The following BTBD9 variants were observed in gnomAD, a reference collection of about 807,000 sequenced individuals.
The protein encoded by BTBD9 is BTB/POZ domain-containing protein 9.
Under a neutral mutation model 64.3 loss-of-function variants are expected in BTBD9, and 49 were observed. That is an observed-to-expected ratio of 0.76 (90% CI 0.61 to 0.97). The LOEUF is 0.97. BTBD9 is among the 50% of genes least tolerant of loss of function. The probability of loss-of-function intolerance (pLI) is 0.00; values close to 1 mark genes in which losing one functional copy is unlikely to be tolerated. For synonymous variants in BTBD9, 260 were observed against 274.7 expected, an observed-to-expected ratio of 0.95 and a Z score of 0.53; for missense variants, 598 against 762.1, an observed-to-expected ratio of 0.78 and a Z score of 2.53.
intron 6 of BTBD9, among the ~76,000 whole-genome samples, chr6:38,367,794 A>G (rs1240345711): frequency 8.3e-6 from 1 of 120,044 alleles, no homozygotes; most frequent in East Asian, 3.2e-4. Context: ...TTGCACCAGA[A>G]ATGGCAAAAA....
At chr6:38,363,925 A>C (rs550726712) in intron 6 of BTBD9, among the ~76,000 whole-genome samples, 6 of 152,306 alleles carry the variant, frequency 3.9e-5, no homozygotes, top group African/African-American at 1.4e-4. Context: ...CAGCAATTTA[A>C]ACCTTGTGGG....
At chr6:38,456,858 C>T (rs948892016) in intron 6 of BTBD9, among the ~76,000 whole-genome samples, 4 of 152,134 alleles carry the variant, frequency 2.6e-5, no homozygotes, top group Non-Finnish European at 4.4e-5. Context: ...ATATCATTCC[C>T]CTGCTCAAAC....
At chr6:38,601,370 GTT>G (rs1200788258) in intron 1 of BTBD9, among the ~76,000 whole-genome samples, 2 of 152,212 alleles carry the variant, frequency 1.3e-5, no homozygotes, top group Non-Finnish European at 2.9e-5. Context: ...CAATGGGATA[GTT>G]TACCTACAAA....
chr6:38,268,416 C>G (rs1029298631), intron 8 of BTBD9, among the ~76,000 whole-genome samples: 27 of 152,148 alleles, frequency 1.8e-4, no homozygotes, highest in Admixed American at 1.8e-3. Context: ...ACATGCAGAT[C>G]TTTGTATTCT....
chr6:38,524,753 A>G (rs1262509814), intron 6 of BTBD9, among the ~76,000 whole-genome samples: 1 of 152,184 alleles, frequency 6.6e-6, no homozygotes, highest in African/African-American at 2.4e-5. Flanking sequence ...TGCTTGATAA[A>G]CATTATAAAA....
intron 6 of BTBD9, among the ~76,000 whole-genome samples, chr6:38,481,099 G>A (rs960852080): frequency 6.6e-6 from 1 of 152,158 alleles, no homozygotes; most frequent in African/African-American, 2.4e-5. Flanking sequence ...ATTGAGTAGG[G>A]AGAGGCAAAA....
At chr6:38,614,645 C>G (rs1052399434) in intron 1 of BTBD9, among the ~76,000 whole-genome samples, 1 of 152,184 alleles carries the variant, frequency 6.6e-6, no homozygotes, top group African/African-American at 2.4e-5. Context: ...CTGTGGAAGC[C>G]AGAAAGACAC....
intron 4 of BTBD9, 120 bp from the exon 5 acceptor site, chr6:38,580,557 A>G (rs1027361070): frequency 1.2e-6 from 1 of 835,174 alleles, no homozygotes; most frequent in Admixed American, 2.5e-5. Context: ...AACAGCATAG[A>G]CAAGTTTATT....
At chr6:38,207,451 C>G in intron 9 of BTBD9, 1 of 157,908 alleles carries the variant, frequency 6.3e-6, no homozygotes, top group Non-Finnish European at 1.4e-5. Flanking sequence ...TAGTGAGACC[C>G]TGTCTCTACA....
At chr6:38,248,078 T>C (rs1321302174) in intron 9 of BTBD9, among the ~76,000 whole-genome samples, 1 of 152,238 alleles carries the variant, frequency 6.6e-6, no homozygotes, top group Admixed American at 6.5e-5. Context: ...ATATTTCCTT[T>C]TGGCTTTCTT....
chr6:38,562,527 C>T (rs1238575378), intron 6 of BTBD9, among the ~76,000 whole-genome samples: 1 of 152,140 alleles, frequency 6.6e-6, no homozygotes, highest in Non-Finnish European at 1.5e-5. Context: ...AAATAAACAT[C>T]TACTACTACT....
intron 7 of BTBD9, among the ~76,000 whole-genome samples, chr6:38,329,125 T>C (rs1304597105): frequency 6.6e-6 from 1 of 151,972 alleles, no homozygotes; most frequent in African/African-American, 2.4e-5. Flanking sequence ...TTCAGAAATT[T>C]TGATGTGTGA....
chr6:38,482,695 G>C (rs1488100834), intron 6 of BTBD9, among the ~76,000 whole-genome samples: 2 of 152,098 alleles, frequency 1.3e-5, no homozygotes, highest in Admixed American at 1.3e-4. Context: ...CCAGTTTAGT[G>C]GGGGAGACAG....
intron 6 of BTBD9, among the ~76,000 whole-genome samples, chr6:38,361,232 T>C (rs1170061028): frequency 6.6e-6 from 1 of 152,116 alleles, no homozygotes; most frequent in African/African-American, 2.4e-5. Context: ...TAAATACCCA[T>C]AGTCAGACAT....
intron 6 of BTBD9, among the ~76,000 whole-genome samples, chr6:38,427,508 C>A (rs1292665060): frequency 6.6e-6 from 1 of 151,884 alleles, no homozygotes; most frequent in Admixed American, 6.6e-5. Context: ...ACTGCATGGG[C>A]TAGCCATGCA....
Position 38,229,322 on chromosome 6 carries a change from A to G in BTBD9, c.1562+27087T>C, listed in dbSNP as rs557765526. Reference sequence around the variant, plus strand: ...CATTACATGTGTGTTGAAGGTATGAAGTAAAATTTTGTTAAGTGCAAACCT... The same window carrying G: ...CATTACATGTGTGTTGAAGGTATGAGGTAAAATTTTGTTAAGTGCAAACCT... On this transcript the variant is annotated intron_variant, in intron 9 of 10. Coordinates refer to ENST00000481247, the MANE Select transcript of BTBD9 (RefSeq NM_001099272.2). Among the ~76,000 whole-genome samples the G allele has an allele frequency of 2.0e-5, 3 of 152,350 alleles. No individual in the cohort carries two copies. In the South Asian group the frequency reaches 6.2e-4, roughly 32 times the overall value.
At chr6:38,251,330 T>C (rs1407179858) in intron 9 of BTBD9, among the ~76,000 whole-genome samples, 5 of 149,832 alleles carry the variant, frequency 3.3e-5, no homozygotes, top group Non-Finnish European at 7.4e-5. Context: ...AGTGGCACAA[T>C]CTTGGCTCAC....
intron 6 of BTBD9, among the ~76,000 whole-genome samples, chr6:38,384,573 G>T (rs1465085692): frequency 6.6e-6 from 1 of 152,124 alleles, no homozygotes; most frequent in African/African-American, 2.4e-5. Flanking sequence ...ATATATATTA[G>T]AAGGTCTTCA....
In BTBD9 at chr6:38,598,115, C is replaced by T. The variant is rs900058118; in HGVS notation, c.-21G>A. On this transcript the variant is annotated 5_prime_UTR_variant, in exon 2 of 11. Coordinates refer to ENST00000481247, the MANE Select transcript of BTBD9 (RefSeq NM_001099272.2). Reference sequence around the variant, plus strand: ...CTCATCTTGTGGAATAGACGATAGTCGTTGTTCTATCATATAAAGAAGGAA... The same window carrying T: ...CTCATCTTGTGGAATAGACGATAGTTGTTGTTCTATCATATAAAGAAGGAA... 5 of 1,606,006 alleles carry T rather than the reference C, an allele frequency of 3.1e-6. No homozygotes were observed. In the African/African-American group the frequency reaches 4.0e-5, roughly 13 times the overall value.
Sources: gnomAD v4.1 joint callset for allele counts (sites outside exome capture counted in the v4.1 genomes callset) on GRCh38, gnomAD v4.1.1 for gene constraint, MANE v1.5 for transcripts, NCBI Gene and HGNC (gene_info 2026-07-23, HGNC 2026-07-21) for gene names.